ANKS1B: variants seen among roughly 807,000 people sequenced by gnomAD.
ANKS1B encodes ankyrin repeat and sterile alpha motif domain containing 1B, also known as ankyrin repeat and sterile alpha motif domain-containing protein 1B.
In ANKS1B, 36 loss-of-function variants were observed where a neutral mutation model predicts 148.3. That is an observed-to-expected ratio of 0.24 (90% CI 0.19 to 0.32). ANKS1B has a LOEUF of 0.32. Among genes scored for constraint, ANKS1B ranks in the 10% least tolerant of loss-of-function variants. The probability of loss-of-function intolerance (pLI) is 1.00; values close to 1 mark genes in which losing one functional copy is unlikely to be tolerated. For synonymous variants in ANKS1B, 542 were observed against 560.8 expected (o/e 0.97, Z 0.47); for missense variants, 1,157 against 1,542.6 (o/e 0.75, Z 4.19).
chr12:98,757,763 C>A (rs963131833), intron 25 of ANKS1B, among the ~76,000 whole-genome samples: 1 of 152,234 alleles, frequency 6.6e-6, no homozygotes, highest in Non-Finnish European at 1.5e-5. Flanking sequence ...TGTAACCTGG[C>A]CTGTCTCCGA....
At chr12:98,877,123 A>G (rs2099693219) in intron 17 of ANKS1B, among the ~76,000 whole-genome samples, 1 of 152,206 alleles carries the variant, frequency 6.6e-6, no homozygotes, top group Admixed American at 6.5e-5. Flanking sequence ...TATGTAGTTA[A>G]GCGATAGGCA....
At chr12:99,625,009 T>A (rs1291483914) in intron 9 of ANKS1B, among the ~76,000 whole-genome samples, 3 of 152,050 alleles carry the variant, frequency 2.0e-5, no homozygotes, top group Admixed American at 6.6e-5. Context: ...TGCCTATCAA[T>A]GGTAAATTTG....
intron 14 of ANKS1B, among the ~76,000 whole-genome samples, chr12:99,165,505 G>C (rs1057084619): frequency 6.6e-6 from 1 of 151,904 alleles, no homozygotes; most frequent in Non-Finnish European, 1.5e-5. Flanking sequence ...GTTAGTATCA[G>C]TAAATTCAGC....
chr12:99,057,735 T>TGGG (rs10656815), intron 16 of ANKS1B, among the ~76,000 whole-genome samples: 1 of 152,098 alleles, frequency 6.6e-6, no homozygotes, highest in Non-Finnish European at 1.5e-5. Flanking sequence ...AGTGTCAGTG[T>TGGG]GGTGGTTAGA....
chr12:98,837,547 G>A (rs76899916), intron 17 of ANKS1B, among the ~76,000 whole-genome samples: 88 of 152,134 alleles, frequency 5.8e-4, no homozygotes, highest in African/African-American at 2.0e-3. Flanking sequence ...GGATAATTCC[G>A]GAAACCCCAC....
At chr12:99,681,903 T>C (rs1198195800) in intron 8 of ANKS1B, among the ~76,000 whole-genome samples, 11 of 152,022 alleles carry the variant, frequency 7.2e-5, no homozygotes, top group African/African-American at 2.7e-4. Context: ...CACATAAACT[T>C]AAGGAAAAGG....
intron 12 of ANKS1B, among the ~76,000 whole-genome samples, chr12:99,275,939 A>C (rs2077614545): frequency 6.6e-6 from 1 of 152,230 alleles, no homozygotes. Context: ...GAGTGACACT[A>C]GCTCCCAGTG....
intron 17 of ANKS1B, among the ~76,000 whole-genome samples, chr12:98,956,856 G>A (rs1422304984): frequency 6.6e-6 from 1 of 152,032 alleles, no homozygotes; most frequent in Non-Finnish European, 1.5e-5. Flanking sequence ...TGAACCCCCT[G>A]CCTTGAATTT....
At chr12:99,317,113 G>C (rs1187748609) in intron 12 of ANKS1B, among the ~76,000 whole-genome samples, 7 of 152,020 alleles carry the variant, frequency 4.6e-5, no homozygotes, top group Admixed American at 2.6e-4. Context: ...ATGCCTCCAG[G>C]TTTGTTCTTT....
At chr12:98,764,866 G>A (rs1156454565) in intron 25 of ANKS1B, among the ~76,000 whole-genome samples, 1 of 152,184 alleles carries the variant, frequency 6.6e-6, no homozygotes, top group East Asian at 1.9e-4. Context: ...GCATGGATCT[G>A]ATTCTGTTGT....
chr12:99,320,671 C>T (rs546283664), intron 12 of ANKS1B, among the ~76,000 whole-genome samples: 7 of 152,020 alleles, frequency 4.6e-5, no homozygotes, highest in Admixed American at 1.3e-4. Flanking sequence ...TTTGTTATTA[C>T]TGATCATCTG....
chr12:98,914,995 C>T (rs1457224724), intron 17 of ANKS1B, among the ~76,000 whole-genome samples: 1 of 152,128 alleles, frequency 6.6e-6, no homozygotes, highest in Admixed American at 6.5e-5. Flanking sequence ...GCTTGTTTGT[C>T]TTCTTTGTTT....
At chr12:99,650,067 A>G (rs1205854681) in intron 9 of ANKS1B, 2 of 152,492 alleles carry the variant, frequency 1.3e-5, no homozygotes, top group South Asian at 2.1e-4. Flanking sequence ...CTCTAATAAC[A>G]TATGCTCTAT....
intron 1 of ANKS1B, among the ~76,000 whole-genome samples, chr12:99,853,752 G>A (rs1359250582): frequency 6.6e-6 from 1 of 152,174 alleles, no homozygotes; most frequent in Non-Finnish European, 1.5e-5. Context: ...AAAGAATTCA[G>A]AAGGTCAATT....
chr12:99,805,693 C>T (rs2067556451), intron 4 of ANKS1B, among the ~76,000 whole-genome samples: 1 of 151,994 alleles, frequency 6.6e-6, no homozygotes, highest in Non-Finnish European at 1.5e-5. Context: ...GTAGGTTGAC[C>T]ATTCCTTGTG....
intron 17 of ANKS1B, among the ~76,000 whole-genome samples, chr12:98,835,021 C>T (rs757345445): frequency 6.6e-6 from 1 of 152,026 alleles, no homozygotes; most frequent in Non-Finnish European, 1.5e-5. Flanking sequence ...GGTAGCTGGA[C>T]CTCATGCTGA....
chr12:99,766,157 G>T (rs1229001753), intron 8 of ANKS1B, among the ~76,000 whole-genome samples: 1 of 152,104 alleles, frequency 6.6e-6, no homozygotes, highest in Non-Finnish European at 1.5e-5. Flanking sequence ...TGCAGTCTTT[G>T]CCTTTTTATG....
At chr12:98,869,482 C>T (rs982660223) in intron 17 of ANKS1B, among the ~76,000 whole-genome samples, 1 of 152,056 alleles carries the variant, frequency 6.6e-6, no homozygotes, top group Non-Finnish European at 1.5e-5. Flanking sequence ...AGTTACAACC[C>T]GAAGATATGC....
rs1007903824 is a variant in ANKS1B, at chr12:99,292,686, C to T, written c.1757-45822G>A. 3.9e-4 allele frequency among the ~76,000 whole-genome samples: 59 copies of T among 152,056 alleles called. 1 individual carries two copies. The highest frequency in any genetic ancestry group is 6.3e-3 in the Middle Eastern group (2 of 316). ...AGAAACTACCCCATCAAAAAGTGGGCAAAATATGTGAACAGACACTTCTCA... is the reference window on the plus strand; with the variant it reads ...AGAAACTACCCCATCAAAAAGTGGGTAAAATATGTGAACAGACACTTCTCA... On this transcript the variant is annotated intron_variant, in intron 12 of 26. Transcript: ENST00000683438.
Sources: allele counts gnomAD v4.1 joint callset (sites outside exome capture counted in the v4.1 genomes callset), GRCh38; gene constraint gnomAD v4.1.1; transcripts MANE v1.5; gene names NCBI Gene and HGNC (gene_info 2026-07-23, HGNC 2026-07-21).